Variants in CNTN4 observed in about 807,000 individuals in gnomAD.
The protein encoded by CNTN4 is contactin 4.
CNTN4 carries 77 observed loss-of-function variants against 122.5 expected under a neutral mutation model. That is an observed-to-expected ratio of 0.63 (90% CI 0.52 to 0.76). The LOEUF is 0.76. CNTN4 is among the 30% of genes least tolerant of loss of function. CNTN4 has a pLI of 0.00. For synonymous variants in CNTN4, 512 were observed against 447.0 expected, an observed-to-expected ratio of 1.15 and a Z score of -1.83; for missense variants, 1,256 against 1,259.1, an observed-to-expected ratio of 1.00 and a Z score of 0.04.
intron 2 of CNTN4, among the ~76,000 whole-genome samples, chr3:2,106,961 C>T (rs921378639): frequency 6.6e-6 from 1 of 152,152 alleles, no homozygotes; most frequent in Non-Finnish European, 1.5e-5. Flanking sequence ...CAAGAGTGAC[C>T]TTTGCTTCAG....
intron 2 of CNTN4, among the ~76,000 whole-genome samples, chr3:2,274,308 A>G (rs1361454180): frequency 6.6e-6 from 1 of 152,106 alleles, no homozygotes; most frequent in African/African-American, 2.4e-5. Flanking sequence ...ACTTGAACCC[A>G]GGAGGCGGAG....
At chr3:2,383,603 T>G (rs1369530620) in intron 3 of CNTN4, among the ~76,000 whole-genome samples, 2 of 151,966 alleles carry the variant, frequency 1.3e-5, no homozygotes. Context: ...TCTCTCTCTC[T>G]CCTTCTGCTC....
chr3:2,918,245 C>T (rs985687430), intron 12 of CNTN4, among the ~76,000 whole-genome samples: 3 of 152,200 alleles, frequency 2.0e-5, no homozygotes, highest in Non-Finnish European at 4.4e-5. Context: ...GCCTGTATCA[C>T]TGAAGTGCAT....
intron 6 of CNTN4, among the ~76,000 whole-genome samples, chr3:2,751,067 C>G (rs942270627): frequency 6.6e-6 from 1 of 151,932 alleles, no homozygotes; most frequent in African/African-American, 2.4e-5. Flanking sequence ...TTTGGGAGGC[C>G]GAGGCGAGTG....
chr3:2,262,303 T>G (rs992534023), intron 2 of CNTN4: 2 of 152,182 alleles, frequency 1.3e-5, no homozygotes, highest in African/African-American at 4.8e-5. Context: ...TGAAAGCATT[T>G]CTTCCTTTCT....
intron 2 of CNTN4, among the ~76,000 whole-genome samples, chr3:2,225,531 A>AAAACAAAAACAAAC (rs2039248114): frequency 6.6e-6 from 1 of 152,062 alleles, no homozygotes; most frequent in Admixed American, 6.6e-5. Flanking sequence ...AAACAAACAA[A>AAAACAAAAACAAAC]AAACAAAAAC....
At chr3:2,296,072 T>A (rs1156694202) in intron 2 of CNTN4, among the ~76,000 whole-genome samples, 2 of 152,196 alleles carry the variant, frequency 1.3e-5, no homozygotes, top group African/African-American at 2.4e-5. Flanking sequence ...GCTGTTCTGG[T>A]TACTGTAGCC....
At chr3:2,817,276 A>G (rs1460139307) in intron 6 of CNTN4, among the ~76,000 whole-genome samples, 2 of 152,256 alleles carry the variant, frequency 1.3e-5, no homozygotes, top group Non-Finnish European at 2.9e-5. Context: ...CATTCTCGTT[A>G]CATTTATGAG....
chr3:2,464,228 T>G (rs1165866957), intron 3 of CNTN4, among the ~76,000 whole-genome samples: 1 of 152,168 alleles, frequency 6.6e-6, no homozygotes, highest in Non-Finnish European at 1.5e-5. Context: ...AACACACTAC[T>G]GGAGATATGT....
At chr3:2,661,407 A>C (rs1268988638) in intron 4 of CNTN4, among the ~76,000 whole-genome samples, 1 of 152,050 alleles carries the variant, frequency 6.6e-6, no homozygotes, top group African/African-American at 2.4e-5. Flanking sequence ...TGCAATGTTT[A>C]TATTAGTCAA....
At chr3:2,282,726 C>T (rs1384112593) in intron 2 of CNTN4, among the ~76,000 whole-genome samples, 1 of 151,974 alleles carries the variant, frequency 6.6e-6, no homozygotes, top group Non-Finnish European at 1.5e-5. Flanking sequence ...TTGTAATAGC[C>T]CCAAAGTAGA....
chr3:2,777,779 A>T (rs1311539540), intron 6 of CNTN4, among the ~76,000 whole-genome samples: 6 of 152,218 alleles, frequency 3.9e-5, no homozygotes, highest in Non-Finnish European at 8.8e-5. Flanking sequence ...TTCTCCAAAC[A>T]TGCATAACCA....
chr3:2,200,044 G>A (rs1391490528), intron 2 of CNTN4, among the ~76,000 whole-genome samples: 1 of 152,146 alleles, frequency 6.6e-6, no homozygotes, highest in Non-Finnish European at 1.5e-5. Flanking sequence ...GAGACTTTAA[G>A]CTGCACAAGG....
intron 2 of CNTN4, among the ~76,000 whole-genome samples, chr3:2,157,731 A>G (rs1348055914): frequency 6.6e-6 from 1 of 152,182 alleles, no homozygotes; most frequent in Admixed American, 6.5e-5. Flanking sequence ...CTTTATACCA[A>G]TTTCAAATTC....
intron 13 of CNTN4, among the ~76,000 whole-genome samples, chr3:2,934,931 C>G (rs2094555021): frequency 6.6e-6 from 1 of 152,216 alleles, no homozygotes; most frequent in Non-Finnish European, 1.5e-5. Flanking sequence ...CAAATTCAGA[C>G]CTAGAACTTC....
At chr3:2,439,661 T>C (rs1040441021) in intron 3 of CNTN4, among the ~76,000 whole-genome samples, 30 of 152,216 alleles carry the variant, frequency 2.0e-4, no homozygotes, top group African/African-American at 7.0e-4. Context: ...TGTGTGTCTG[T>C]ATCTGATTCT....
At chr3:2,136,593 A>G (rs1346757088) in intron 2 of CNTN4, among the ~76,000 whole-genome samples, 3 of 152,106 alleles carry the variant, frequency 2.0e-5, no homozygotes, top group Non-Finnish European at 4.4e-5. Context: ...AGCATATTTC[A>G]TATTCAGAAA....
chr3:2,413,123 C>A (rs555092688), intron 3 of CNTN4, among the ~76,000 whole-genome samples: 3 of 152,280 alleles, frequency 2.0e-5, no homozygotes, highest in African/African-American at 7.2e-5. Context: ...TTAGGTTGAT[C>A]TAATGACTGT....
chr3:2,562,652 G>T (rs1040645771), intron 3 of CNTN4, among the ~76,000 whole-genome samples: 1 of 151,504 alleles, frequency 6.6e-6, no homozygotes, highest in Admixed American at 6.6e-5. Context: ...TTGATTCTAT[G>T]ACCATGAATA....
Sources: gnomAD v4.1 joint callset for allele counts (sites outside exome capture counted in the v4.1 genomes callset) on GRCh38, gnomAD v4.1.1 for gene constraint, MANE v1.5 for transcripts, NCBI Gene and HGNC (gene_info 2026-07-23, HGNC 2026-07-21) for gene names.